The following RERE variants were observed in gnomAD, a reference collection of about 807,000 sequenced individuals.
The protein encoded by RERE is arginine-glutamic acid dipeptide repeats protein.
A neutral mutation model predicts 146.1 loss-of-function variants in RERE; 40 were observed. The ratio of observed to expected loss-of-function variants is 0.27; its 90% CI spans 0.21 to 0.36. RERE has a LOEUF of 0.36. RERE is among the 10% of genes least tolerant of loss of function. The pLI is 1.00. For synonymous variants in RERE, 1,003 were observed against 866.0 expected (o/e 1.16, Z -2.78); for missense variants, 1,933 against 2,138.7 (o/e 0.90, Z 1.90).
intron 12 of RERE, among the ~76,000 whole-genome samples, chr1:8,415,480 A>C (rs755880184): frequency 1.3e-5 from 2 of 152,224 alleles, no homozygotes; most frequent in Non-Finnish European, 2.9e-5. Flanking sequence ...AGTTTCTATA[A>C]GTAATACATT....
At chr1:8,680,601 T>C (rs1464081588) in intron 1 of RERE, among the ~76,000 whole-genome samples, 2 of 151,994 alleles carry the variant, frequency 1.3e-5, no homozygotes, top group East Asian at 1.9e-4. Context: ...TCTGAGAAAA[T>C]CTTAGTTCTT....
intron 8 of RERE, among the ~76,000 whole-genome samples, chr1:8,507,527 G>GC (rs1466450023): frequency 6.6e-6 from 1 of 151,734 alleles, no homozygotes; most frequent in African/African-American, 2.4e-5. Context: ...TCCTGCCTCA[G>GC]CCTCCTGAGT....
chr1:8,812,647 A>AG (rs1376025721), intron 1 of RERE, among the ~76,000 whole-genome samples: 1 of 151,310 alleles, frequency 6.6e-6, no homozygotes, highest in Non-Finnish European at 1.5e-5. Context: ...CTCCATCTCG[A>AG]AAAATAATAA....
intron 7 of RERE, among the ~76,000 whole-genome samples, chr1:8,525,183 T>C (rs1645555101): frequency 6.6e-6 from 1 of 152,236 alleles, no homozygotes; most frequent in Non-Finnish European, 1.5e-5. Flanking sequence ...TTTAAGGTGT[T>C]ATTGTTGCAA....
intron 11 of RERE, among the ~76,000 whole-genome samples, chr1:8,433,779 C>G (rs1644129551): frequency 6.6e-6 from 1 of 151,842 alleles, no homozygotes; most frequent in Admixed American, 6.6e-5. Flanking sequence ...CCAGGATGGT[C>G]TCGATCTCCT....
chr1:8,405,691 T>TGC, intron 12 of RERE, among the ~76,000 whole-genome samples: 1 of 152,000 alleles, frequency 6.6e-6, no homozygotes, highest in Admixed American at 6.6e-5. Flanking sequence ...CAGGCTGGAG[T>TGC]GCAGTGGTGC....
In RERE at chr1:8,811,150, G is replaced by A. The variant is rs543641266; in HGVS notation, c.-145+6010C>T. On this transcript the variant is annotated intron_variant, in intron 1 of 22. Coordinates refer to ENST00000400908, the MANE Select transcript of RERE (RefSeq NM_001042681.2). ...TCCCCAGCATAGCCAGGTCCTGCCA[G>A]AGAACATTTCCAGTGCCTCCCCAGG... 5.9e-5 allele frequency among the ~76,000 whole-genome samples: 9 copies of A among 152,282 alleles called. No individual in the cohort carries two copies. In the South Asian group the frequency reaches 1.5e-3, roughly 25 times the overall value.
chr1:8,361,119 G>T lies in RERE; in HGVS notation c.2388C>A (p.Pro796=). 6.9e-7 allele frequency: 1 copy of T among 1,443,498 alleles called. No individual in the cohort carries two copies. The allele number at this position is 1,443,498 out of a possible 1,614,324, so 89.4% of individuals were successfully genotyped here. A position where few individuals can be genotyped will look rare whatever the true frequency, so the allele number is the denominator to read the frequency against. ...CCGGTGCCTGTTGGATGTGGGTGTG[G>T]GGAACAGGCGCTGTGGGAGCCTGTG... ...NQPQAPTAPV[P]HTHIQQAPAL... The change falls in exon 18 of 23, where the codon CCC becomes CCA. Residue 796 remains proline, a synonymous_variant. Transcript: ENST00000400908.
At chr1:8,810,813 A>C (rs1364854165) in intron 1 of RERE, among the ~76,000 whole-genome samples, 1 of 152,186 alleles carries the variant, frequency 6.6e-6, no homozygotes, top group African/African-American at 2.4e-5. Flanking sequence ...TGTGCATTAT[A>C]AACGTATTTC....
chr1:8,413,562 T>G (rs181009428), intron 12 of RERE, among the ~76,000 whole-genome samples: 62 of 152,118 alleles, frequency 4.1e-4, no homozygotes, highest in Admixed American at 1.6e-3. Context: ...TAGGCTAGAC[T>G]TGAACTCCTG....
At chr1:8,775,161 A>T (rs1049151884) in intron 1 of RERE, among the ~76,000 whole-genome samples, 1 of 151,324 alleles carries the variant, frequency 6.6e-6, no homozygotes, top group Non-Finnish European at 1.5e-5. Context: ...GGGTTTCACC[A>T]TGTTGGCCAG....
intron 4 of RERE, among the ~76,000 whole-genome samples, chr1:8,561,693 C>T (rs977533844): frequency 1.3e-5 from 2 of 152,168 alleles, no homozygotes; most frequent in African/African-American, 4.8e-5. Flanking sequence ...TAAAGGTTTA[C>T]AAATTAAAAT....
chr1:8,749,442 G>T (rs80178765), intron 1 of RERE, among the ~76,000 whole-genome samples: 1 of 151,452 alleles, frequency 6.6e-6, no homozygotes, highest in Non-Finnish European at 1.5e-5. Context: ...AAAAAAAAAG[G>T]ATAAGGTGAT....
At chr1:8,372,185 G>A (rs1373141366) in intron 12 of RERE, among the ~76,000 whole-genome samples, 1 of 152,162 alleles carries the variant, frequency 6.6e-6, no homozygotes, top group East Asian at 1.9e-4. Context: ...CTCGTAGCAA[G>A]CATGCCTGTT....
At chr1:8,497,270 G>T (rs1317528671) in intron 9 of RERE, 135 bp downstream of exon 9, 34 of 820,486 alleles carry the variant, frequency 4.1e-5, no homozygotes, top group Non-Finnish European at 4.2e-5. Context: ...CCCGATTACA[G>T]AGGGTGTAAC....
chr1:8,611,552 C>G (rs1365819753), intron 4 of RERE, among the ~76,000 whole-genome samples: 1 of 152,134 alleles, frequency 6.6e-6, no homozygotes, highest in Non-Finnish European at 1.5e-5. Flanking sequence ...TAAAACAGTT[C>G]AAACCACCCC....
rs182694677 is a variant in RERE, at chr1:8,412,200, T to C, written c.1284+10527A>G. On this transcript the variant is annotated intron_variant, in intron 12 of 22. Coordinates refer to ENST00000400908, the MANE Select transcript of RERE (RefSeq NM_001042681.2). ...ATCAAAAAAATCCAACTCCTGCACA[T>C]GGGAACAAAGCGACAATGGCAGCAG... Among the ~76,000 whole-genome samples, 577 of 152,280 alleles carry C rather than the reference T, an allele frequency of 3.8e-3. 3 individuals are homozygous for C. Among genetic ancestry groups the C allele is most frequent in the Non-Finnish European group, 6.6e-3 (447 of 68,022 alleles).
At chr1:8,401,297 T>A (rs1643256541) in intron 12 of RERE, among the ~76,000 whole-genome samples, 1 of 151,758 alleles carries the variant, frequency 6.6e-6, no homozygotes, top group African/African-American at 2.4e-5. Context: ...TAATCTTTAA[T>A]GTGACCTTGT....
At chr1:8,602,031 T>C (rs1455899142) in intron 4 of RERE, among the ~76,000 whole-genome samples, 6 of 152,180 alleles carry the variant, frequency 3.9e-5, no homozygotes, top group African/African-American at 1.4e-4. Flanking sequence ...AAAAGCACAG[T>C]ACCCTTCTCT....
Sources: allele counts gnomAD v4.1 joint callset (sites outside exome capture counted in the v4.1 genomes callset), GRCh38; gene constraint gnomAD v4.1.1; transcripts MANE v1.5; gene names NCBI Gene and HGNC (gene_info 2026-07-23, HGNC 2026-07-21).